DNAH8: variants seen among roughly 807,000 people sequenced by gnomAD.
The protein encoded by DNAH8 is dynein axonemal heavy chain 8.
In DNAH8, 382 loss-of-function variants were observed where a neutral mutation model predicts 562.1. That is an observed-to-expected ratio of 0.68 (90% CI 0.63 to 0.74). The LOEUF (loss-of-function observed/expected upper bound fraction) is 0.74, where lower values mean the gene tolerates loss of function less well. DNAH8 is among the 30% of genes least tolerant of loss of function. DNAH8 has a pLI of 0.00. For synonymous variants in DNAH8, 1,881 were observed against 1,919.4 expected (o/e 0.98, Z 0.52); for missense variants, 5,203 against 5,620.4 (o/e 0.93, Z 2.37).
intron 1 of DNAH8, among the ~76,000 whole-genome samples, chr6:38,715,925 A>AATAAATAAATATATAT (rs1453678814): frequency 2.7e-5 from 1 of 36,900 alleles, no homozygotes; most frequent in South Asian, 9.1e-4. Context: ...TAAATAAATA[A>AATAAATAAATATATAT]ATATATATAT....
At chr6:38,789,419 G>C (rs1369983624) in intron 18 of DNAH8, among the ~76,000 whole-genome samples, 1 of 152,138 alleles carries the variant, frequency 6.6e-6, no homozygotes, top group East Asian at 1.9e-4. Context: ...AATTTATTTT[G>C]ACTCGAGAAA....
intron 80 of DNAH8, among the ~76,000 whole-genome samples, chr6:38,947,897 G>A (rs1583431842): frequency 6.6e-6 from 1 of 151,950 alleles, no homozygotes; most frequent in African/African-American, 2.4e-5. Flanking sequence ...ACAGATACAC[G>A]CTGCCACGCC....
intron 82 of DNAH8, among the ~76,000 whole-genome samples, chr6:38,968,829 T>C (rs1434321110): frequency 1.3e-5 from 2 of 152,136 alleles, no homozygotes; most frequent in Non-Finnish European, 2.9e-5. Flanking sequence ...CAAAAACTTG[T>C]ATGTGAATGC....
Position 39,030,498 on chromosome 6 carries a change from T to C in DNAH8, c.*106T>C, listed in dbSNP as rs189598791. On this transcript the variant is annotated 3_prime_UTR_variant, in exon 93 of 93. Transcript: ENST00000327475. ...TTCTCCCCAGTAATTCCTTAATTAC[T>C]CTTTCTACATTAAAAAGTTGATGTT... 1 of 989,632 alleles carries C rather than the reference T, an allele frequency of 1.0e-6. No homozygotes were observed. Among genetic ancestry groups the C allele is most frequent in the East Asian group, 2.5e-5 (1 of 40,512 alleles). The allele number at this position is 989,632 out of a possible 1,614,324, so 61.3% of individuals were successfully genotyped here.
chr6:38,854,612 A>G (rs944894293), intron 41 of DNAH8, among the ~76,000 whole-genome samples: 1 of 152,182 alleles, frequency 6.6e-6, no homozygotes, highest in Admixed American at 6.5e-5. Flanking sequence ...TAAAGCTTAT[A>G]AAATACTTTG....
chr6:38,924,137 T>C lies in DNAH8; in HGVS notation c.10937T>C (p.Ile3646Thr), dbSNP rs759798823. The C allele has an allele frequency of 5.0e-6, 8 of 1,613,776 alleles. No individual in the cohort carries two copies. The East Asian group carries it at 8.9e-5, about 18-fold the overall frequency. Residue 3646 changes from isoleucine to threonine, a missense_variant, in exon 73 of 93, where the codon ATT becomes ACT. By Grantham distance (89) the Ile-to-Thr change is moderately conservative. Around this residue, in one of 6 missense-constraint regions of DNAH8, gnomAD observed 1,399 missense variants for 1,518.4 expected, o/e 0.92. Transcript: ENST00000327475. Reference protein sequence around the residue: ...KIPFTENLNLISMLVDPPTIG... With the variant: ...KIPFTENLNLTSMLVDPPTIG... Reference sequence around the variant, plus strand: ...CCTTTCACAGAAAACCTGAATCTTATTTCAATGTTGGTGGATCCTCCAACT... The same window carrying C: ...CCTTTCACAGAAAACCTGAATCTTACTTCAATGTTGGTGGATCCTCCAACT...
chr6:38,956,065 G>A (rs955397330), intron 82 of DNAH8, among the ~76,000 whole-genome samples: 3 of 152,282 alleles, frequency 2.0e-5, no homozygotes, highest in Non-Finnish European at 2.9e-5. Context: ...TGCCAACATC[G>A]ATCTTGGCAG....
chr6:38,939,347 G>T lies in DNAH8; in HGVS notation c.12007+359G>T, dbSNP rs146689082. ...AATGATTTTTCAGACTGCAAGAAAA[G>T]GCTCACTTATGTTTCATATTTGAAG... On this transcript the variant is annotated intron_variant, in intron 79 of 92. Transcript: ENST00000327475. 1.4e-3 allele frequency among the ~76,000 whole-genome samples: 220 copies of T among 152,248 alleles called. 1 individual carries two copies. The highest frequency in any genetic ancestry group is 5.1e-3 in the African/African-American group (211 of 41,536).
chr6:38,904,347 C>G (rs1037978162), intron 62 of DNAH8, among the ~76,000 whole-genome samples: 1 of 151,722 alleles, frequency 6.6e-6, no homozygotes, highest in African/African-American at 2.4e-5. Context: ...GAATAGGGTG[C>G]GTCATGGAAA....
chr6:38,809,053 A>G (rs558504042), intron 24 of DNAH8, among the ~76,000 whole-genome samples: 4 of 152,134 alleles, frequency 2.6e-5, no homozygotes, highest in South Asian at 2.1e-4. Flanking sequence ...ACAAACCTGC[A>G]TGTTCTGCAC....
chr6:38,785,728 C>G (rs1769099320), intron 17 of DNAH8, among the ~76,000 whole-genome samples: 2 of 151,932 alleles, frequency 1.3e-5, no homozygotes, highest in African/African-American at 4.8e-5. Context: ...TGAGAACATG[C>G]AGTGCTTGGT....
chr6:39,016,680 G>T (rs545846118), intron 91 of DNAH8, among the ~76,000 whole-genome samples: 14 of 152,124 alleles, frequency 9.2e-5, no homozygotes, highest in Admixed American at 9.2e-4. Flanking sequence ...GAAGACTATA[G>T]AACACCTGCA....
chr6:38,803,170 AT>A lies in DNAH8; in HGVS notation c.2902-6del. On this transcript the variant is annotated splice_polypyrimidine_tract_variant and splice_region_variant and intron_variant, in intron 21 of 92. Transcript: ENST00000327475. Reference sequence around the variant, plus strand: ...TCTGGAAAATAATAGTCATTTCTTTATTTAACAGACATACACAAAAGAATGG... The same window carrying A: ...TCTGGAAAATAATAGTCATTTCTTTATTAACAGACATACACAAAAGAATGG... 6.4e-7 allele frequency: 1 copy of A among 1,567,820 alleles called. No individual in the cohort carries two copies.
At chr6:38,787,695 C>CA (rs67293877) in intron 18 of DNAH8, among the ~76,000 whole-genome samples, 359 of 79,246 alleles carry the variant, frequency 4.5e-3, no homozygotes, top group African/African-American at 6.3e-3. Flanking sequence ...GACTCCATCT[C>CA]AAAAAAAAAA....
chr6:39,015,190 A>T (rs1246243017), intron 91 of DNAH8, among the ~76,000 whole-genome samples: 2 of 152,164 alleles, frequency 1.3e-5, no homozygotes, highest in Non-Finnish European at 2.9e-5. Flanking sequence ...GATATTTAGA[A>T]ACCAAGGGAG....
At position 38,786,354 on chromosome 6, in the gene DNAH8, G is replaced by C. The variant is rs375033440; in HGVS notation, c.2396-411G>C. On this transcript the variant is annotated intron_variant, in intron 17 of 92. Coordinates refer to ENST00000327475, the MANE Select transcript of DNAH8 (RefSeq NM_001206927.2). ...TAAATAAGCCTCTTTAAAGAAGACA[G>C]TTTGGGGTCTGAGTGGGAAAGAGTT... Among the ~76,000 whole-genome samples the C allele has an allele frequency of 2.0e-4, 30 of 152,296 alleles. No individual in the cohort carries two copies. In the South Asian group the frequency reaches 6.2e-3, roughly 32 times the overall value.
intron 53 of DNAH8, among the ~76,000 whole-genome samples, chr6:38,880,089 A>AT (rs2150457865): frequency 6.6e-6 from 1 of 152,140 alleles, no homozygotes; most frequent in South Asian, 2.1e-4. Context: ...CTAAAAAAAA[A>AT]CAAAAAAATT....
At chr6:38,813,681 C>A (rs1771995513) in intron 24 of DNAH8, among the ~76,000 whole-genome samples, 1 of 151,940 alleles carries the variant, frequency 6.6e-6, no homozygotes, top group African/African-American at 2.4e-5. Context: ...CCAGAAACTT[C>A]CTGTTTAATC....
chr6:38,825,624 A>G (rs561994949), intron 28 of DNAH8, among the ~76,000 whole-genome samples: 3 of 152,110 alleles, frequency 2.0e-5, no homozygotes, highest in South Asian at 4.2e-4. Context: ...AACTCTCAAG[A>G]AAAGACTCTG....
Sources: gnomAD v4.1 joint callset for allele counts (sites outside exome capture counted in the v4.1 genomes callset) on GRCh38, gnomAD v4.1.1 for gene constraint, gnomAD v4.1.1 regional missense constraint, MANE v1.5 for transcripts, NCBI Gene and HGNC (gene_info 2026-07-23, HGNC 2026-07-21) for gene names.